The following DLG2 variants were observed in gnomAD, a reference collection of about 807,000 sequenced individuals.
DLG2 encodes discs large MAGUK scaffold protein 2, also known as disks large homolog 2.
Under a neutral mutation model 132.5 loss-of-function variants are expected in DLG2, and 45 were observed. That is an observed-to-expected ratio of 0.34 (90% confidence interval 0.27 to 0.44). The LOEUF is 0.44. Among genes scored for constraint, DLG2 ranks in the 20% least tolerant of loss-of-function variants. The pLI is 1.00. For synonymous variants in DLG2, 424 were observed against 419.6 expected (o/e 1.01, Z -0.13); for missense variants, 1,045 against 1,196.9 (o/e 0.87, Z 1.87).
At chr11:84,950,256 T>C (rs568344748) in intron 6 of DLG2, among the ~76,000 whole-genome samples, 2 of 152,292 alleles carry the variant, frequency 1.3e-5, no homozygotes, top group East Asian at 3.9e-4. Flanking sequence ...TTTTCAATGT[T>C]CTAACAACTC....
intron 9 of DLG2, among the ~76,000 whole-genome samples, chr11:84,109,951 T>C (rs927887315): frequency 2.6e-5 from 4 of 152,148 alleles, no homozygotes; most frequent in Admixed American, 6.5e-5. Context: ...ATTCTACCCC[T>C]GAAATACCCC....
intron 3 of DLG2, chr11:85,452,842 T>C (rs1474942487): frequency 5.8e-6 from 1 of 171,492 alleles, no homozygotes; most frequent in East Asian, 1.4e-4. Context: ...TCATGGGATA[T>C]TTGCAGTTTA....
At chr11:84,238,650 T>C (rs1191637122) in intron 8 of DLG2, among the ~76,000 whole-genome samples, 1 of 151,868 alleles carries the variant, frequency 6.6e-6, no homozygotes, top group Non-Finnish European at 1.5e-5. Flanking sequence ...CTTTTTTTTT[T>C]TTGGAAATAG....
intron 3 of DLG2, among the ~76,000 whole-genome samples, chr11:85,531,440 G>A (rs1300423049): frequency 6.6e-6 from 1 of 152,170 alleles, no homozygotes; most frequent in Non-Finnish European, 1.5e-5. Flanking sequence ...TTTTATATCT[G>A]CTTTGTGCCA....
chr11:84,964,190 G>GAA (rs202061288), intron 6 of DLG2, among the ~76,000 whole-genome samples: 1 of 151,216 alleles, frequency 6.6e-6, no homozygotes, highest in African/African-American at 2.4e-5. Flanking sequence ...GCATATATCA[G>GAA]AAAAAAAACA....
intron 18 of DLG2, among the ~76,000 whole-genome samples, chr11:83,665,301 T>G (rs2153558589): frequency 6.6e-6 from 1 of 152,310 alleles, no homozygotes; most frequent in East Asian, 1.9e-4. Flanking sequence ...ATTCTTCAAC[T>G]ATGCATGGGT....
chr11:85,582,533 T>A (rs1445220692), intron 3 of DLG2, among the ~76,000 whole-genome samples: 2 of 151,282 alleles, frequency 1.3e-5, no homozygotes, highest in Non-Finnish European at 2.9e-5. Flanking sequence ...TGTAGAATAT[T>A]AGTGTCCAGG....
chr11:84,164,761 T>A (rs1409414671), intron 8 of DLG2, among the ~76,000 whole-genome samples: 1 of 152,354 alleles, frequency 6.6e-6, no homozygotes, highest in African/African-American at 2.4e-5. Flanking sequence ...ACAATGACAA[T>A]GGACTTTACT....
At chr11:84,393,584 T>C (rs1219917721) in intron 7 of DLG2, among the ~76,000 whole-genome samples, 1 of 152,182 alleles carries the variant, frequency 6.6e-6, no homozygotes, top group African/African-American at 2.4e-5. Flanking sequence ...TGCAGCTATC[T>C]AGTTTTGTGT....
intron 9 of DLG2, among the ~76,000 whole-genome samples, chr11:84,124,839 T>C (rs2094095605): frequency 6.9e-6 from 1 of 144,918 alleles, no homozygotes; most frequent in Admixed American, 7.6e-5. Flanking sequence ...AGAAATAACT[T>C]GTTTTCACTT....
intron 6 of DLG2, among the ~76,000 whole-genome samples, chr11:84,860,124 T>C (rs1249947585): frequency 6.6e-6 from 1 of 152,178 alleles, no homozygotes; most frequent in African/African-American, 2.4e-5. Flanking sequence ...AAACATTTGT[T>C]GAATGAACAA....
chr11:84,634,189 A>G (rs1297390255), intron 6 of DLG2, among the ~76,000 whole-genome samples: 3 of 152,124 alleles, frequency 2.0e-5, no homozygotes, highest in Non-Finnish European at 2.9e-5. Context: ...GTCTTCAATC[A>G]GCCCCTTCAT....
At chr11:84,399,550 C>G (rs145867901) in intron 7 of DLG2, among the ~76,000 whole-genome samples, 1 of 152,086 alleles carries the variant, frequency 6.6e-6, no homozygotes, top group Admixed American at 6.5e-5. Flanking sequence ...CTCAGCCTCA[C>G]GAGTAGCTGG....
At chr11:85,542,850 T>C (rs776134911) in intron 3 of DLG2, among the ~76,000 whole-genome samples, 1 of 152,198 alleles carries the variant, frequency 6.6e-6, no homozygotes, top group Non-Finnish European at 1.5e-5. Context: ...GTCAATTATA[T>C]CAATAAGATA....
At chr11:85,566,356 C>G (rs2077524809) in intron 3 of DLG2, among the ~76,000 whole-genome samples, 1 of 151,960 alleles carries the variant, frequency 6.6e-6, no homozygotes, top group South Asian at 2.1e-4. Context: ...TCTTTCTTTT[C>G]CTGCTTGTGC....
intron 6 of DLG2, among the ~76,000 whole-genome samples, chr11:84,796,426 G>C (rs926646361): frequency 1.3e-5 from 2 of 152,104 alleles, no homozygotes; most frequent in Non-Finnish European, 2.9e-5. Context: ...TTAGTAGTTT[G>C]CATGCCACAG....
chr11:83,966,610 T>G (rs1458837540), intron 12 of DLG2, among the ~76,000 whole-genome samples: 2 of 152,030 alleles, frequency 1.3e-5, no homozygotes, highest in East Asian at 3.8e-4. Flanking sequence ...CGTATCTGGC[T>G]ACTATATAAA....
intron 6 of DLG2, among the ~76,000 whole-genome samples, chr11:84,540,630 T>C (rs1422891644): frequency 6.6e-6 from 1 of 152,210 alleles, no homozygotes; most frequent in East Asian, 1.9e-4. Context: ...GAAGTCAGTG[T>C]GGCGATTCCT....
chr11:84,249,501 T>G (rs1338653283), intron 8 of DLG2, among the ~76,000 whole-genome samples: 3 of 152,220 alleles, frequency 2.0e-5, no homozygotes, highest in African/African-American at 7.2e-5. Flanking sequence ...TGTGAGTCCT[T>G]GAACCAGTTA....
Sources: gnomAD v4.1 joint callset for allele counts (sites outside exome capture counted in the v4.1 genomes callset) on GRCh38, gnomAD v4.1.1 for gene constraint, MANE v1.5 for transcripts, NCBI Gene and HGNC (gene_info 2026-07-23, HGNC 2026-07-21) for gene names.